The following PTPRD variants were observed in gnomAD, a reference collection of about 807,000 sequenced individuals.
PTPRD encodes protein tyrosine phosphatase receptor type D, also known as receptor-type tyrosine-protein phosphatase delta.
Under a neutral mutation model 214.5 loss-of-function variants are expected in PTPRD, and 34 were observed. That is an observed-to-expected ratio of 0.16 (90% confidence interval 0.12 to 0.21). The LOEUF is 0.21. PTPRD is among the 10% of genes least tolerant of loss of function. The pLI is 1.00. For synonymous variants in PTPRD, 1,128 were observed against 845.7 expected, an observed-to-expected ratio of 1.33 and a Z score of -5.79; for missense variants, 2,545 against 2,398.7, an observed-to-expected ratio of 1.06 and a Z score of -1.27.
At chr9:9,714,089 C>CA (rs5896350) in intron 7 of PTPRD, among the ~76,000 whole-genome samples, 5,741 of 126,900 alleles carry the variant, frequency 0.045, 311 homozygotes, top group African/African-American at 0.14. Flanking sequence ...TTCACTTGCG[C>CA]AAAAAAAAAA....
chr9:8,420,577 G>A (rs2094286273), intron 35 of PTPRD, among the ~76,000 whole-genome samples: 1 of 152,044 alleles, frequency 6.6e-6, no homozygotes, highest in African/African-American at 2.4e-5. Flanking sequence ...AAAACAAAAC[G>A]ATTATATCCC....
At chr9:8,752,121 G>T (rs1486352659) in intron 11 of PTPRD, among the ~76,000 whole-genome samples, 1 of 152,152 alleles carries the variant, frequency 6.6e-6, no homozygotes, top group East Asian at 1.9e-4. Context: ...TTGAAAAGGG[G>T]CTGGGTAAAA....
At chr9:9,649,856 T>C (rs188179494) in intron 7 of PTPRD, among the ~76,000 whole-genome samples, 1 of 152,362 alleles carries the variant, frequency 6.6e-6, no homozygotes, top group Non-Finnish European at 1.5e-5. Context: ...AATTTATGCA[T>C]CTTTTCATTT....
intron 10 of PTPRD, among the ~76,000 whole-genome samples, chr9:9,034,112 T>C (rs2099614147): frequency 6.6e-6 from 1 of 152,148 alleles, no homozygotes; most frequent in Admixed American, 6.6e-5. Context: ...ACAAGTCACA[T>C]GAAGGAAAAC....
At chr9:10,114,418 T>G (rs2098714178) in intron 3 of PTPRD, among the ~76,000 whole-genome samples, 1 of 152,178 alleles carries the variant, frequency 6.6e-6, no homozygotes, top group Non-Finnish European at 1.5e-5. Context: ...ACATTCACTC[T>G]GTCCGCTTAC....
intron 21 of PTPRD, among the ~76,000 whole-genome samples, chr9:8,509,664 C>A (rs1033260109): frequency 2.0e-5 from 3 of 152,186 alleles, no homozygotes; most frequent in African/African-American, 7.2e-5. Context: ...CTTACTTAAA[C>A]TGTTTACTTT....
At chr9:9,289,603 C>A (rs556042712) in intron 9 of PTPRD, among the ~76,000 whole-genome samples, 15 of 151,720 alleles carry the variant, frequency 9.9e-5, no homozygotes, top group Non-Finnish European at 2.1e-4. Flanking sequence ...AAACTTTGTA[C>A]CCTTTGTACA....
intron 30 of PTPRD, among the ~76,000 whole-genome samples, chr9:8,480,372 T>A (rs1247589912): frequency 6.6e-6 from 1 of 152,184 alleles, no homozygotes; most frequent in Non-Finnish European, 1.5e-5. Context: ...GCTGAACTAA[T>A]AAGCCGGAGT....
intron 10 of PTPRD, among the ~76,000 whole-genome samples, chr9:9,070,219 G>A (rs1488454388): frequency 6.6e-6 from 1 of 152,142 alleles, no homozygotes; most frequent in Non-Finnish European, 1.5e-5. Flanking sequence ...GGTTGGAGAA[G>A]GAATTTATGC....
chr9:10,102,126 T>C (rs1424101296), intron 3 of PTPRD, among the ~76,000 whole-genome samples: 1 of 151,746 alleles, frequency 6.6e-6, no homozygotes, highest in East Asian at 1.9e-4. Context: ...TGAGAGCTTT[T>C]ATAAATCGGT....
At chr9:10,600,442 T>C (rs980368969) in intron 2 of PTPRD, among the ~76,000 whole-genome samples, 3 of 151,736 alleles carry the variant, frequency 2.0e-5, no homozygotes, top group African/African-American at 7.3e-5. Flanking sequence ...ACTCTATACA[T>C]GCCATACTCA....
intron 8 of PTPRD, among the ~76,000 whole-genome samples, chr9:9,412,821 G>T (rs2141995063): frequency 6.6e-6 from 1 of 152,142 alleles, no homozygotes; most frequent in South Asian, 2.1e-4. Flanking sequence ...ATGGGCTCTG[G>T]TGAACCAATA....
At chr9:9,486,115 C>T (rs1480991072) in intron 8 of PTPRD, among the ~76,000 whole-genome samples, 1 of 131,684 alleles carries the variant, frequency 7.6e-6, no homozygotes, top group Non-Finnish European at 1.5e-5. Context: ...CACGCCACTG[C>T]ACTCCAGTCT....
intron 2 of PTPRD, among the ~76,000 whole-genome samples, chr9:10,427,982 G>C (rs750114499): frequency 2.0e-5 from 3 of 151,992 alleles, no homozygotes; most frequent in African/African-American, 7.2e-5. Flanking sequence ...TAAAATATTT[G>C]TTAAGTAATA....
intron 11 of PTPRD, chr9:8,857,720 C>A (rs1436384296): frequency 3.2e-5 from 5 of 157,586 alleles, no homozygotes; most frequent in Admixed American, 6.5e-5. Flanking sequence ...TCGCGCCCCG[C>A]CACGGCCGCG....
intron 3 of PTPRD, among the ~76,000 whole-genome samples, chr9:10,147,271 T>TTTA (rs1554731547): frequency 6.6e-6 from 1 of 151,826 alleles, no homozygotes; most frequent in Non-Finnish European, 1.5e-5. Flanking sequence ...GTTCTTTTTT[T>TTTA]TTATTATTAT....
chr9:9,409,200 T>C (rs1171520974), intron 8 of PTPRD, among the ~76,000 whole-genome samples: 1 of 151,996 alleles, frequency 6.6e-6, no homozygotes, highest in Non-Finnish European at 1.5e-5. Context: ...AATATTTTTA[T>C]AAAGTCAGGG....
rs555750730 is a variant in PTPRD, at chr9:9,114,570, A to G, written c.-143+68734T>C. Among the ~76,000 whole-genome samples, 65 of 152,274 alleles carry G rather than the reference A, an allele frequency of 4.3e-4. 2 individuals are homozygous for G. The South Asian group carries it at 0.013, about 31-fold the overall frequency. ...TTGACATTCTCCTGAGACCCAGTGT[A>G]TATGTCATAGCAATCTCTTATTCAT... On this transcript the variant is annotated intron_variant, in intron 10 of 45. Transcript: ENST00000381196.
In PTPRD at chr9:8,453,653, T is replaced by C. The variant is rs569835912; in HGVS notation, c.3876-3816A>G. Among the ~76,000 whole-genome samples, 36 of 152,286 alleles carry C rather than the reference T, an allele frequency of 2.4e-4. 1 individual carries two copies. The highest frequency in any genetic ancestry group is 7.7e-4 in the African/African-American group (32 of 41,560). On this transcript the variant is annotated intron_variant, in intron 33 of 45. Coordinates refer to ENST00000381196, the MANE Select transcript of PTPRD (RefSeq NM_002839.4). ...ATGAGGCTTGCTGACCAACATAAAG[T>C]GATTTTAGTGTAAATAATGCAGCAA...
Sources: gnomAD v4.1 joint callset for allele counts (sites outside exome capture counted in the v4.1 genomes callset) on GRCh38, gnomAD v4.1.1 for gene constraint, MANE v1.5 for transcripts, NCBI Gene and HGNC (gene_info 2026-07-23, HGNC 2026-07-21) for gene names.